Variants in LHFPL6 observed in about 807,000 individuals in gnomAD.
The protein encoded by LHFPL6 is LHFPL tetraspan subfamily member 6 protein.
In LHFPL6, 9 loss-of-function variants were observed where a neutral mutation model predicts 20.6. That is an observed-to-expected ratio of 0.44 (90% CI 0.26 to 0.76). LHFPL6 has a LOEUF of 0.76. Among genes scored for constraint, LHFPL6 ranks in the 30% least tolerant of loss-of-function variants. The pLI, the probability that LHFPL6 is intolerant of heterozygous loss-of-function variation, is 0.20. For synonymous variants in LHFPL6, 105 were observed against 98.7 expected (o/e 1.06, Z -0.38); for missense variants, 218 against 253.5 (o/e 0.86, Z 0.95).
rs184217189 is a variant in LHFPL6 at position 39,581,668 on chromosome 13, C to T, written c.385+19164G>A. Among the ~76,000 whole-genome samples, 236 of 150,196 alleles carry T rather than the reference C, an allele frequency of 1.6e-3. 1 individual carries two copies. Among genetic ancestry groups the T allele is most frequent in the African/African-American group, 5.6e-3 (230 of 40,920 alleles). ...CCCCAAGGTATCTTTTGTTAATGAA[C>T]ATCATAATTGTTTTCCTACTTTGAT... is the stretch of plus-strand genomic sequence containing the variant. On this transcript the variant is annotated intron_variant, in intron 2 of 3. Transcript: ENST00000379589.
chr13:39,413,466 A>AG (rs66802891), intron 2 of LHFPL6, among the ~76,000 whole-genome samples: 8 of 6,464 alleles, frequency 1.2e-3, no homozygotes, highest in Non-Finnish European at 7.4e-4. Context: ...AATTGGGGGT[A>AG]GGGGGGGTGG....
chr13:39,455,280 G>A (rs114812641), intron 2 of LHFPL6, among the ~76,000 whole-genome samples: 7 of 152,142 alleles, frequency 4.6e-5, no homozygotes, highest in Admixed American at 2.0e-4. Flanking sequence ...CAGCCGGGCC[G>A]GCGGCAACCC....
At position 39,490,068 on chromosome 13, in the gene LHFPL6, C is replaced by T. The variant is rs901131782; in HGVS notation, c.385+110764G>A. On this transcript the variant is annotated intron_variant, in intron 2 of 3. Transcript: ENST00000379589. ...CCTACAGTTGGAAACCTGGAGACAA[C>T]AAGTAATAACAGATTAAACAAACAA... Among the ~76,000 whole-genome samples the T allele has an allele frequency of 2.7e-5, 4 of 147,614 alleles. No individual in the cohort carries two copies. The Admixed American group carries it at 2.7e-4, about 10-fold the overall frequency.
chr13:39,405,106 A>T lies in LHFPL6; in HGVS notation c.386-26580T>A, dbSNP rs558543242. Among the ~76,000 whole-genome samples, 3 of 152,326 alleles carry T rather than the reference A, an allele frequency of 2.0e-5. No homozygotes were observed. The South Asian group carries it at 6.2e-4, about 32-fold the overall frequency. Reference sequence around the variant, plus strand: ...AGAATATACAAAAACAAAGACCAATAAAATTGAGTGTGAGGTGATAAAGAG... The same window carrying T: ...AGAATATACAAAAACAAAGACCAATTAAATTGAGTGTGAGGTGATAAAGAG... On this transcript the variant is annotated intron_variant, in intron 2 of 3. Coordinates refer to ENST00000379589, the MANE Select transcript of LHFPL6 (RefSeq NM_005780.3).
chr13:39,586,856 T>C (rs1872463781), intron 2 of LHFPL6, among the ~76,000 whole-genome samples: 1 of 152,086 alleles, frequency 6.6e-6, no homozygotes, highest in South Asian at 2.1e-4. Context: ...TTTAGTTAAG[T>C]ACATAATCCT....
intron 3 of LHFPL6, among the ~76,000 whole-genome samples, chr13:39,372,966 T>G (rs1593289151): frequency 6.6e-6 from 1 of 152,198 alleles, no homozygotes; most frequent in East Asian, 1.9e-4. Context: ...CTGCCCTCTC[T>G]GCAACCTATC....
chr13:39,396,266 T>C (rs1870839894), intron 2 of LHFPL6, among the ~76,000 whole-genome samples: 1 of 152,102 alleles, frequency 6.6e-6, no homozygotes, highest in Non-Finnish European at 1.5e-5. Context: ...GCACCTGATA[T>C]TGTATATAAG....
intron 3 of LHFPL6, among the ~76,000 whole-genome samples, chr13:39,347,079 C>T (rs1439505225): frequency 5.7e-5 from 3 of 52,178 alleles, no homozygotes; most frequent in Non-Finnish European, 7.3e-5. Context: ...AACTCTGTCT[C>T]CAAAAAAAAA....
In LHFPL6 at chr13:39,589,853, T is replaced by A. The variant is rs1218942440; in HGVS notation, c.385+10979A>T. On this transcript the variant is annotated intron_variant, in intron 2 of 3. Coordinates refer to ENST00000379589, the MANE Select transcript of LHFPL6 (RefSeq NM_005780.3). ...ATTTTGGCATTCTCCCCAAATGGCC[T>A]CTCTATTACATATTACATTATTAAT... Among the ~76,000 whole-genome samples the A allele has an allele frequency of 2.0e-5, 3 of 152,310 alleles. No individual in the cohort carries two copies. In the South Asian group the frequency reaches 6.2e-4, roughly 32 times the overall value.
chr13:39,562,669 C>CACACATGTAT (rs1555268304), intron 2 of LHFPL6, among the ~76,000 whole-genome samples: 1 of 117,422 alleles, frequency 8.5e-6, no homozygotes, highest in Non-Finnish European at 1.9e-5. Flanking sequence ...CACATATATA[C>CACACATGTAT]ACACATATAT....
intron 2 of LHFPL6, among the ~76,000 whole-genome samples, chr13:39,451,445 G>T (rs1872441889): frequency 6.6e-6 from 1 of 152,272 alleles, no homozygotes; most frequent in Non-Finnish European, 1.5e-5. Context: ...TGTTAACCTT[G>T]CTGAGAAACA....
chr13:39,541,259 T>C (rs1474706533), intron 2 of LHFPL6, among the ~76,000 whole-genome samples: 3 of 152,172 alleles, frequency 2.0e-5, no homozygotes, highest in African/African-American at 7.2e-5. Context: ...TTGGTTTGGG[T>C]TGCTTTAAAG....
At chr13:39,601,914 T>A (rs1566152287) in intron 1 of LHFPL6, among the ~76,000 whole-genome samples, 2 of 152,212 alleles carry the variant, frequency 1.3e-5, no homozygotes, top group Non-Finnish European at 2.9e-5. Context: ...CATTATGGTC[T>A]GCGGAGGCAC....
intron 2 of LHFPL6, among the ~76,000 whole-genome samples, chr13:39,591,083 A>C (rs1158400648): frequency 6.6e-6 from 1 of 152,258 alleles, no homozygotes; most frequent in Non-Finnish European, 1.5e-5. Flanking sequence ...TCCAAGTATA[A>C]TGGAAAACTC....
chr13:39,380,817 C>T (rs115476234), intron 2 of LHFPL6, among the ~76,000 whole-genome samples: 1,837 of 152,070 alleles, frequency 0.012, 45 homozygotes, highest in African/African-American at 0.042. Context: ...TGTAGGAGCA[C>T]GAACCCTATT....
At chr13:39,470,841 T>C (rs1215819473) in intron 2 of LHFPL6, among the ~76,000 whole-genome samples, 1 of 152,236 alleles carries the variant, frequency 6.6e-6, no homozygotes, top group Non-Finnish European at 1.5e-5. Flanking sequence ...ATTTATCTAA[T>C]GTTATGGAGA....
chr13:39,457,491 G>C (rs1234192439), intron 2 of LHFPL6, among the ~76,000 whole-genome samples: 1 of 152,186 alleles, frequency 6.6e-6, no homozygotes, highest in Admixed American at 6.5e-5. Flanking sequence ...GTGCTGGAAA[G>C]GATGTGGAGC....
At chr13:39,500,499 C>T (rs6563713) in intron 2 of LHFPL6, among the ~76,000 whole-genome samples, 47,213 of 152,036 alleles carry the variant, frequency 0.31, 7,806 homozygotes, top group Middle Eastern at 0.42. Context: ...GCGATCCTCC[C>T]ACCTCCCAGA....
At chr13:39,471,429 C>T (rs565127656) in intron 2 of LHFPL6, among the ~76,000 whole-genome samples, 12 of 152,272 alleles carry the variant, frequency 7.9e-5, no homozygotes, top group East Asian at 5.8e-4. Context: ...CCATGATAAG[C>T]GGAGGCCAAG....
Sources: allele counts gnomAD v4.1 joint callset (sites outside exome capture counted in the v4.1 genomes callset), GRCh38; gene constraint gnomAD v4.1.1; transcripts MANE v1.5; gene names NCBI Gene and HGNC (gene_info 2026-07-23, HGNC 2026-07-21).